CTNNA2: variants seen among roughly 807,000 people sequenced by gnomAD.
CTNNA2 encodes catenin alpha 2, also known as catenin alpha-2.
CTNNA2 carries 42 observed loss-of-function variants against 101.0 expected under a neutral mutation model. The observed-to-expected ratio is 0.42, with a 90% confidence interval of 0.32 to 0.54. The LOEUF (loss-of-function observed/expected upper bound fraction) is 0.54, where lower values mean the gene tolerates loss of function less well. CTNNA2 is among the 20% of genes least tolerant of loss of function. The pLI, the probability that CTNNA2 is intolerant of heterozygous loss-of-function variation, is 0.14. For synonymous variants in CTNNA2, 450 were observed against 456.4 expected (o/e 0.99, Z 0.18); for missense variants, 871 against 1,223.1 (o/e 0.71, Z 4.29).
chr2:79,189,069 C>G (rs895251233), intron 1 of CTNNA2, among the ~76,000 whole-genome samples: 7 of 152,160 alleles, frequency 4.6e-5, no homozygotes, highest in Non-Finnish European at 1.0e-4. Flanking sequence ...CTGTGAGTAT[C>G]TAGGTGTTCT....
intron 7 of CTNNA2, among the ~76,000 whole-genome samples, chr2:79,986,077 A>G (rs1039673392): frequency 6.6e-6 from 1 of 152,308 alleles, no homozygotes; most frequent in Non-Finnish European, 1.5e-5. Flanking sequence ...TTTTGACTCT[A>G]TGAGGGACAA....
At chr2:79,266,935 A>C (rs955280317) in intron 2 of CTNNA2, among the ~76,000 whole-genome samples, 2 of 152,044 alleles carry the variant, frequency 1.3e-5, no homozygotes. Flanking sequence ...ATCAGACTGT[A>C]CTCAAAATTA....
intron 16 of CTNNA2, among the ~76,000 whole-genome samples, chr2:80,604,656 T>C (rs1697848648): frequency 6.6e-6 from 1 of 152,042 alleles, no homozygotes; most frequent in Non-Finnish European, 1.5e-5. Context: ...TTTTATTTTC[T>C]GTTGCCCCCA....
intron 7 of CTNNA2, among the ~76,000 whole-genome samples, chr2:80,021,294 A>G (rs963982900): frequency 6.6e-6 from 1 of 152,176 alleles, no homozygotes; most frequent in Non-Finnish European, 1.5e-5. Context: ...TGCTGGGATT[A>G]CAGGTGTGAG....
intron 7 of CTNNA2, among the ~76,000 whole-genome samples, chr2:79,965,892 A>G (rs1318189514): frequency 6.6e-6 from 1 of 151,512 alleles, no homozygotes; most frequent in Non-Finnish European, 1.5e-5. Context: ...AAAGACAAAG[A>G]AGGAAAGAAA....
chr2:80,261,631 T>C lies in CTNNA2; in HGVS notation c.1057-131580T>C, dbSNP rs774334119. 9.9e-5 allele frequency among the ~76,000 whole-genome samples: 15 copies of C among 152,244 alleles called. No individual in the cohort carries two copies. The South Asian group carries it at 1.0e-3, about 11-fold the overall frequency. On this transcript the variant is annotated intron_variant, in intron 7 of 18. Coordinates refer to ENST00000402739, the MANE Select transcript of CTNNA2 (RefSeq NM_001282597.3). The stretch of plus-strand genomic sequence containing the variant: ...CTACCAATATGGTCTGAGGTAATAA[T>C]TGAATACCCAATTGAATCTCAGCTA...
intron 12 of CTNNA2, among the ~76,000 whole-genome samples, chr2:80,567,139 A>G (rs1694133046): frequency 6.6e-6 from 1 of 152,172 alleles, no homozygotes; most frequent in African/African-American, 2.4e-5. Context: ...CCACCCAAAC[A>G]TCTCTAAAAA....
intron 4 of CTNNA2, among the ~76,000 whole-genome samples, chr2:79,429,383 G>T (rs557833798): frequency 6.6e-6 from 1 of 152,156 alleles, no homozygotes; most frequent in African/African-American, 2.4e-5. Context: ...GAAGTTTCTT[G>T]TTGAAAATAA....
intron 4 of CTNNA2, among the ~76,000 whole-genome samples, chr2:79,858,588 A>T (rs1200225646): frequency 6.6e-6 from 1 of 152,048 alleles, no homozygotes; most frequent in Non-Finnish European, 1.5e-5. Context: ...TGCCCACCTT[A>T]GTGTGGATTA....
intron 3 of CTNNA2, among the ~76,000 whole-genome samples, chr2:79,372,042 G>A (rs1293667431): frequency 6.6e-6 from 1 of 152,128 alleles, no homozygotes; most frequent in East Asian, 1.9e-4. Flanking sequence ...GAATCCCATG[G>A]GAAGCTTTGA....
At chr2:80,039,291 C>T (rs77365186) in intron 7 of CTNNA2, among the ~76,000 whole-genome samples, 1 of 152,064 alleles carries the variant, frequency 6.6e-6, no homozygotes, top group Non-Finnish European at 1.5e-5. Flanking sequence ...ATACCCAGAG[C>T]CCTGGGTGAC....
At chr2:79,514,762 G>A (rs1486100041) in intron 1 of CTNNA2, 2 of 152,106 alleles carry the variant, frequency 1.3e-5, no homozygotes, top group African/African-American at 2.4e-5. Context: ...TAAAACAACA[G>A]ACCAAAAAAC....
chr2:80,166,035 G>C (rs1466192683), intron 7 of CTNNA2, among the ~76,000 whole-genome samples: 1 of 151,998 alleles, frequency 6.6e-6, no homozygotes, highest in Non-Finnish European at 1.5e-5. Context: ...TGATCCTTTG[G>C]TTAGAGAAAG....
chr2:80,074,649 C>T (rs1205885901), intron 7 of CTNNA2, among the ~76,000 whole-genome samples: 2 of 152,120 alleles, frequency 1.3e-5, no homozygotes, highest in African/African-American at 2.4e-5. Context: ...GCTCTTCCCC[C>T]TCAGTGACCA....
intron 1 of CTNNA2, among the ~76,000 whole-genome samples, chr2:79,636,269 CAAAAA>C (rs57739991): frequency 1.6e-4 from 11 of 67,252 alleles, no homozygotes; most frequent in Non-Finnish European, 2.8e-4. Flanking sequence ...GACTCTGTCT[CAAAAA>C]AAAAAAAAAA....
intron 7 of CTNNA2, among the ~76,000 whole-genome samples, chr2:79,963,096 A>C (rs868448163): frequency 7.1e-6 from 1 of 139,922 alleles, no homozygotes; most frequent in African/African-American, 2.6e-5. Flanking sequence ...AAAAAAAAAA[A>C]TGTTACACAA....
At position 79,915,803 on chromosome 2, in the gene CTNNA2, AATTT is replaced by A. The variant is rs144451814; in HGVS notation, c.1056+6012_1056+6015del. Among the ~76,000 whole-genome samples, 298 of 152,290 alleles carry A rather than the reference AATTT, an allele frequency of 2.0e-3. 9 individuals carry two copies. In the East Asian group the frequency reaches 0.053, roughly 27 times the overall value. Reference sequence around the variant, plus strand: ...TATAAATCTGATTTTTATCTATCAGAATTTATTTAAGTTGGCTGTATATTACTGC... The same window carrying A: ...TATAAATCTGATTTTTATCTATCAGAATTTAAGTTGGCTGTATATTACTGC... On this transcript the variant is annotated intron_variant, in intron 7 of 18. Transcript: ENST00000402739.
intron 7 of CTNNA2, among the ~76,000 whole-genome samples, chr2:80,152,699 T>TAAA (rs35574251): frequency 2.8e-5 from 4 of 143,960 alleles, no homozygotes; most frequent in African/African-American, 1.0e-4. Context: ...TTATTGTACT[T>TAAA]AAAAAAAAAA....
intron 7 of CTNNA2, among the ~76,000 whole-genome samples, chr2:79,924,676 A>G (rs1271334966): frequency 6.6e-6 from 1 of 152,128 alleles, no homozygotes; most frequent in Non-Finnish European, 1.5e-5. Flanking sequence ...TCAAGATAAA[A>G]TGATCAAAGT....
Sources: gnomAD v4.1 joint callset for allele counts (sites outside exome capture counted in the v4.1 genomes callset) on GRCh38, gnomAD v4.1.1 for gene constraint, MANE v1.5 for transcripts, NCBI Gene and HGNC (gene_info 2026-07-23, HGNC 2026-07-21) for gene names.